Variants in COL6A3 observed in about 807,000 individuals in gnomAD.
COL6A3 encodes collagen alpha-3(VI) chain.
In COL6A3, 137 loss-of-function variants were observed where a neutral mutation model predicts 274.1. The observed-to-expected ratio is 0.50, with a 90% CI of 0.44 to 0.58. The LOEUF is 0.58. Ranked by LOEUF, COL6A3 falls within the 20% of genes least tolerant of loss-of-function variation. The pLI, the probability that COL6A3 is intolerant of heterozygous loss-of-function variation, is 0.00. For synonymous variants in COL6A3, 1,650 were observed against 1,650.6 expected, an observed-to-expected ratio of 1.00 and a Z score of 0.01; for missense variants, 3,950 against 4,124.9, an observed-to-expected ratio of 0.96 and a Z score of 1.16.
chr2:237,344,147 C>A lies in COL6A3; in HGVS notation c.7668+203G>T. 1 of 742,662 alleles carries A rather than the reference C, an allele frequency of 1.3e-6. No homozygotes were observed. Among genetic ancestry groups the A allele is most frequent in the Non-Finnish European group, 2.4e-6 (1 of 424,396 alleles). 46.0% of individuals were successfully genotyped at this position (742,662 alleles called of 1,614,324 possible). A position where few individuals can be genotyped will look rare whatever the true frequency, so the allele number is the denominator to read the frequency against. ...GAGGAGGGACCTGGGGGCAGTGCTA[C>A]AAGCATGTAGGCGTCCCTGTAGTGC... On this transcript the variant is annotated intron_variant, in intron 36 of 43. Coordinates refer to ENST00000295550, the MANE Select transcript of COL6A3 (RefSeq NM_004369.4). This position sits in a 1 kb window ranked among gnomAD's most constrained non-coding sequence, Gnocchi z 4.8.
Position 237,376,809 on chromosome 2 carries a change from A to T in COL6A3, c.3033T>A (p.Asn1011Lys), listed in dbSNP as rs1158226701. ...KIGDLHPQIV[N>K]LLKSVHNGAP... Reference sequence around the variant, plus strand: ...CTCCGTTGTGCACTGATTTTAAGAGATTCACTATCTGTGGATGAAGATCTC... The same window carrying T: ...CTCCGTTGTGCACTGATTTTAAGAGTTTCACTATCTGTGGATGAAGATCTC... Residue 1011 changes from asparagine (N) to lysine (K), a missense_variant, in exon 7 of 44, where the codon AAT becomes AAA. Physicochemically the swap from Asn to Lys is moderately conservative, Grantham distance 94 (BLOSUM62 0). This residue lies in a region of COL6A3 where 1,934 missense variants were observed against 1,984.3 expected (regional missense o/e 0.97). Transcript: ENST00000295550. 2.5e-6 allele frequency: 4 copies of T among 1,614,102 alleles called. No individual in the cohort carries two copies. The highest frequency in any genetic ancestry group is 3.4e-6 in the Non-Finnish European group (4 of 1,179,996).
At chr2:237,348,294 A>C (rs2077136638) in intron 30 of COL6A3, 55 bp downstream of exon 30, 1 of 1,437,854 alleles carries the variant, frequency 7.0e-7, no homozygotes, top group African/African-American at 1.4e-5. Context: ...GTCCATGGAC[A>C]TACCAGAGCC....
At chr2:237,354,875 C>T (rs1230109185) in intron 24 of COL6A3, 24 bp downstream of exon 24, 2 of 1,611,260 alleles carry the variant, frequency 1.2e-6, no homozygotes, top group South Asian at 2.2e-5. Context: ...AGAGAGTCTC[C>T]AGGGGGCACT....
chr2:237,356,224 G>A (rs1425849197), intron 23 of COL6A3, among the ~76,000 whole-genome samples: 8 of 152,118 alleles, frequency 5.3e-5, no homozygotes, highest in Admixed American at 1.3e-4. Flanking sequence ...CTGCTCACAC[G>A]CTGAGTTGTA....
intron 25 of COL6A3, 59 bp downstream of exon 25, chr2:237,353,282 A>AT (rs2106334389): frequency 2.6e-6 from 4 of 1,546,232 alleles, no homozygotes; most frequent in Non-Finnish European, 2.7e-6. Context: ...CCACCCAATC[A>AT]TTTTTTAAAT....
rs2077704511 is a variant in COL6A3 at position 237,372,033 on chromosome 2, C to T, written c.3984G>A (p.Leu1328=). The T allele has an allele frequency of 6.2e-7, 1 of 1,613,982 alleles. No homozygotes were observed. Among genetic ancestry groups the T allele is most frequent in the Non-Finnish European group, 8.5e-7 (1 of 1,180,040 alleles). ...GGACGCCCTCTTCAATGCGGCTCCC[C>T]AGGGGCCTCTTGAAGATGTTCCTGG... is the stretch of plus-strand genomic sequence containing the variant. ...YVSRNIFKRP[L]GSRIEEGVPQ... Residue 1328 remains leucine, a synonymous_variant, in exon 9 of 44, where the codon CTG becomes CTA. Transcript: ENST00000295550.
Position 237,368,849 on chromosome 2 carries a change from G to A in COL6A3, c.4614C>T (p.Asp1538=), listed in dbSNP as rs199759398. The change falls in exon 10 of 44, where the codon GAC becomes GAT. Residue 1538 remains aspartate (D), a synonymous_variant. Transcript: ENST00000295550. The surrounding 1 kb of genome is among the most constrained non-coding windows in gnomAD (Gnocchi z 4.4). ...FVKSAGSRIE[D]GVPQHLVLVL... The stretch of plus-strand genomic sequence containing the variant: ...CCAGGACCAGGTGTTGGGGCACCCC[G>A]TCTTCTATGCGACTCCCCGCAGACT... The A allele has an allele frequency of 2.1e-5, 34 of 1,614,184 alleles. No homozygotes were observed. The highest frequency in any genetic ancestry group is 1.9e-4 in the South Asian group (17 of 91,076).
chr2:237,355,271 T>C, intron 23 of COL6A3: 1 of 298,144 alleles, frequency 3.4e-6, no homozygotes, highest in Admixed American at 4.8e-5. Context: ...AAATGAGGAA[T>C]GTGAAAAGGG....
chr2:237,354,965 G>T (rs756055925), intron 23 of COL6A3, 31 bp from the exon 24 acceptor site: 1 of 1,609,146 alleles, frequency 6.2e-7, no homozygotes, highest in Non-Finnish European at 8.5e-7. Flanking sequence ...CAAACTGTGA[G>T]GGGGAGCATG....
rs1237872478 is a variant in COL6A3 at position 237,387,613 on chromosome 2, A to T, written c.1281T>A (p.Ile427=). Residue 427 remains isoleucine (I), a synonymous_variant, in exon 4 of 44, where the codon ATT becomes ATA. Coordinates refer to ENST00000295550, the MANE Select transcript of COL6A3 (RefSeq NM_004369.4). ...TGACAATGGTTGGCGGTTTCAAGAC[A>T]ATGTGCCTTTGGGCCACGCCAACAA... The part of the protein sequence containing the change: ...PYIVGVAQRH[I]VLKPPTIVTQ... 2 of 1,613,832 alleles carry T rather than the reference A, an allele frequency of 1.2e-6. No individual in the cohort carries two copies. Among genetic ancestry groups the T allele is most frequent in the Non-Finnish European group, 1.7e-6 (2 of 1,179,954 alleles).
Position 237,381,240 on chromosome 2 carries a change from G to A in COL6A3, c.1572C>T (p.Tyr524=), listed in dbSNP as rs115973206. Residue 524 remains tyrosine (Y), a synonymous_variant, in exon 5 of 44, where the codon TAC becomes TAT. Coordinates refer to ENST00000295550, the MANE Select transcript of COL6A3 (RefSeq NM_004369.4). The part of the protein sequence containing the change: ...KMKPLDGSAL[Y]TGSALDFVRN... ...GAACAAAGTCTAGAGCAGAGCCCGT[G>A]TACAGGGCCGAGCCGTCCAGGGGCT... 5.4e-5 allele frequency: 87 copies of A among 1,614,120 alleles called. No homozygotes were observed. The African/African-American group carries it at 8.8e-4, about 16-fold the overall frequency.
Position 237,377,208 on chromosome 2 carries a change from A to T in COL6A3, c.2634T>A (p.Ala878=). 6.2e-7 allele frequency: 1 copy of T among 1,613,854 alleles called. No homozygotes were observed. The highest frequency in any genetic ancestry group is 8.5e-7 in the Non-Finnish European group (1 of 1,180,018). Residue 878 remains alanine, a synonymous_variant, in exon 7 of 44, where the codon GCT becomes GCA. Coordinates refer to ENST00000295550, the MANE Select transcript of COL6A3 (RefSeq NM_004369.4). ...VKPEGTRIAV[A]QYSDDVKVES... ...CCACCTTGACATCATCGCTGTACTG[A>T]GCCACCGCAATTCGGGTCCCCTCTG...
intron 40 of COL6A3, among the ~76,000 whole-genome samples, chr2:237,335,715 G>A (rs1313223214): frequency 2.0e-5 from 3 of 152,342 alleles, no homozygotes; most frequent in Admixed American, 6.5e-5. Flanking sequence ...TAAGGTAGGC[G>A]AGTCCGGCTC....
chr2:237,360,181 T>C (rs2077403087), intron 16 of COL6A3, 22 bp from the exon 17 acceptor site: 2 of 1,613,258 alleles, frequency 1.2e-6, no homozygotes, highest in East Asian at 4.5e-5. Flanking sequence ...GACAAAGGCA[T>C]TTTGCAAGCT....
intron 4 of COL6A3, among the ~76,000 whole-genome samples, chr2:237,385,462 C>T (rs1223965785): frequency 6.6e-6 from 1 of 152,210 alleles, no homozygotes; most frequent in Non-Finnish European, 1.5e-5. Context: ...ATATCTTCAT[C>T]TGGTGCAACT....
chr2:237,353,561 G>A (rs1361863213), intron 24 of COL6A3, among the ~76,000 whole-genome samples, 158 bp from the exon 25 acceptor site: 1 of 152,194 alleles, frequency 6.6e-6, no homozygotes, highest in Admixed American at 6.5e-5. Flanking sequence ...AACCCCAGGT[G>A]AGACACTGAG....
chr2:237,352,622 T>C (rs750019814), intron 25 of COL6A3, 38 bp from the exon 26 acceptor site: 1 of 1,577,724 alleles, frequency 6.3e-7, no homozygotes, highest in Non-Finnish European at 8.7e-7. Flanking sequence ...GCTAATGAGG[T>C]GACTTTCCAT....
At chr2:237,376,088 G>A (rs1231396235) in intron 7 of COL6A3, among the ~76,000 whole-genome samples, 2 of 152,168 alleles carry the variant, frequency 1.3e-5, no homozygotes, top group African/African-American at 2.4e-5. Flanking sequence ...TCACAAGTGG[G>A]TTAATGGGAG....
In COL6A3 at chr2:237,344,411, G is replaced by A. The variant is rs769072338; in HGVS notation, c.7607C>T (p.Ala2536Val). 2.9e-5 allele frequency: 47 copies of A among 1,614,044 alleles called. No homozygotes were observed. Among genetic ancestry groups the A allele is most frequent in the Admixed American group, 6.7e-5 (4 of 60,002 alleles). ...LREAVLKLSD[A>V]GITPLFLTRQ... ...TGTAAGGAACAAGGGGGTGATCCCCGCATCTGAGAGCTTGAGCACAGCCTC... is the reference window on the plus strand; with the variant it reads ...TGTAAGGAACAAGGGGGTGATCCCCACATCTGAGAGCTTGAGCACAGCCTC... Residue 2536 changes from alanine (A) to valine (V), a missense_variant, in exon 36 of 44, where the codon GCG becomes GTG. By Grantham distance (64) the Ala-to-Val change is moderately conservative. This residue lies in a region of COL6A3 where 1,284 missense variants were observed against 1,349.7 expected (regional missense o/e 0.95). Transcript: ENST00000295550. The surrounding 1 kb of genome is among the most constrained non-coding windows in gnomAD (Gnocchi z 4.8).
Sources: gnomAD v4.1 joint callset for allele counts (sites outside exome capture counted in the v4.1 genomes callset) on GRCh38, gnomAD v4.1.1 for gene constraint, gnomAD v4.1.1 regional missense constraint, Gnocchi (gnomAD v3.1) non-coding constraint, MANE v1.5 for transcripts, NCBI Gene and HGNC (gene_info 2026-07-23, HGNC 2026-07-21) for gene names.